Variants in LRP1B observed in about 807,000 individuals in gnomAD.
LRP1B encodes the protein LDL receptor related protein 1B, also known as low-density lipoprotein receptor-related protein 1B.
In LRP1B, 217 loss-of-function variants were observed where a neutral mutation model predicts 556.6. That is an observed-to-expected ratio of 0.39 (90% CI 0.35 to 0.44). The LOEUF (loss-of-function observed/expected upper bound fraction) is 0.44, where lower values mean the gene tolerates loss of function less well. Ranked by LOEUF, LRP1B falls within the 20% of genes least tolerant of loss-of-function variation. The pLI is 1.00. For synonymous variants in LRP1B, 2,047 were observed against 1,865.8 expected, an observed-to-expected ratio of 1.10 and a Z score of -2.50; for missense variants, 5,053 against 5,620.8, an observed-to-expected ratio of 0.90 and a Z score of 3.23.
At chr2:140,759,666 C>A (rs530570434) in intron 35 of LRP1B, among the ~76,000 whole-genome samples, 7 of 152,052 alleles carry the variant, frequency 4.6e-5, no homozygotes, top group African/African-American at 1.2e-4. Context: ...TTTGGAGCAC[C>A]CTTTGTGGCC....
intron 23 of LRP1B, among the ~76,000 whole-genome samples, chr2:140,893,347 T>C (rs1274211800): frequency 1.3e-5 from 2 of 152,206 alleles, no homozygotes; most frequent in Non-Finnish European, 2.9e-5. Flanking sequence ...TGGATGCAAG[T>C]AACAAAAGTA....
chr2:140,364,575 A>C, intron 72 of LRP1B, 86 bp downstream of exon 72: 31 of 1,447,622 alleles, frequency 2.1e-5, no homozygotes, highest in Non-Finnish European at 2.6e-5. Context: ...TATAATTGGT[A>C]GTTCACCTCC....
At chr2:140,566,458 C>A (rs1681129365) in intron 43 of LRP1B, among the ~76,000 whole-genome samples, 1 of 152,138 alleles carries the variant, frequency 6.6e-6, no homozygotes, top group African/African-American at 2.4e-5. Flanking sequence ...CTTCTAGCCA[C>A]TGCTGCACTT....
chr2:140,480,841 T>TCCAAAAAACTTTTA (rs1688206704), intron 59 of LRP1B, among the ~76,000 whole-genome samples: 1 of 152,156 alleles, frequency 6.6e-6, no homozygotes, highest in Non-Finnish European at 1.5e-5. Context: ...TTTCTTCATT[T>TCCAAAAAACTTTTA]CCAAAAAACT....
chr2:141,839,725 G>T (rs933754292), intron 1 of LRP1B, among the ~76,000 whole-genome samples: 1 of 152,090 alleles, frequency 6.6e-6, no homozygotes, highest in African/African-American at 2.4e-5. Context: ...AAATGAACCT[G>T]AATGAGACTC....
intron 82 of LRP1B, among the ~76,000 whole-genome samples, chr2:140,318,739 C>T (rs1427733719): frequency 6.6e-6 from 1 of 151,978 alleles, no homozygotes; most frequent in African/African-American, 2.4e-5. Flanking sequence ...CCTACATTCA[C>T]CCTGGGGTGC....
intron 1 of LRP1B, among the ~76,000 whole-genome samples, chr2:141,848,302 A>G (rs1218436338): frequency 6.6e-6 from 1 of 151,544 alleles, no homozygotes; most frequent in Non-Finnish European, 1.5e-5. Context: ...AAATTCTGAG[A>G]GACTGAGTGA....
intron 75 of LRP1B, among the ~76,000 whole-genome samples, chr2:140,355,014 CTT>C (rs72414620): frequency 0.088 from 13,403 of 151,836 alleles, 671 homozygotes; most frequent in Middle Eastern, 0.14. Context: ...AAAATCAAAA[CTT>C]TATTTATTAA....
intron 3 of LRP1B, among the ~76,000 whole-genome samples, chr2:141,435,572 A>T (rs1428020999): frequency 6.6e-6 from 1 of 152,126 alleles, no homozygotes; most frequent in Non-Finnish European, 1.5e-5. Flanking sequence ...CTTTCCCCTC[A>T]GGCATAACCA....
chr2:140,775,257 TA>T (rs1327730660), intron 33 of LRP1B, among the ~76,000 whole-genome samples: 1 of 151,942 alleles, frequency 6.6e-6, no homozygotes, highest in Non-Finnish European at 1.5e-5. Context: ...GGTCATTACC[TA>T]TCTGCAGAAA....
At chr2:141,447,659 C>A (rs961129676) in intron 3 of LRP1B, among the ~76,000 whole-genome samples, 1 of 152,170 alleles carries the variant, frequency 6.6e-6, no homozygotes, top group African/African-American at 2.4e-5. Flanking sequence ...TTCCTTCTAA[C>A]AGCCAGGCCC....
At chr2:141,059,533 G>T (rs997463599) in intron 8 of LRP1B, among the ~76,000 whole-genome samples, 2 of 151,600 alleles carry the variant, frequency 1.3e-5, no homozygotes, top group African/African-American at 4.8e-5. Flanking sequence ...CCAACTTTTT[G>T]GTCCCAATCT....
chr2:140,304,760 G>C (rs1683992340), intron 83 of LRP1B, among the ~76,000 whole-genome samples: 1 of 152,106 alleles, frequency 6.6e-6, no homozygotes, highest in Admixed American at 6.6e-5. Context: ...TATTGCCTAG[G>C]TTTTCTTCTA....
At chr2:140,794,154 T>C (rs6722632) in intron 32 of LRP1B, among the ~76,000 whole-genome samples, 4 of 151,858 alleles carry the variant, frequency 2.6e-5, no homozygotes, top group Non-Finnish European at 5.9e-5. Context: ...TAAATAGTCA[T>C]CTTAACGATT....
intron 27 of LRP1B, among the ~76,000 whole-genome samples, chr2:140,858,501 GGAGAGAGAGA>G (rs35791983): frequency 9.3e-5 from 13 of 139,936 alleles, no homozygotes; most frequent in East Asian, 2.1e-4. Context: ...TTATATATAT[GGAGAGAGAGA>G]GAGAGAGAGA....
At chr2:141,538,634 ACTT>A (rs202154429) in intron 2 of LRP1B, among the ~76,000 whole-genome samples, 45,766 of 142,024 alleles carry the variant, frequency 0.32, 7,036 homozygotes, top group Non-Finnish European at 0.41. Context: ...CCTGAAAAAA[ACTT>A]CTTTTTTTTT....
chr2:140,590,822 C>T (rs1218252651), intron 43 of LRP1B, among the ~76,000 whole-genome samples: 2 of 152,138 alleles, frequency 1.3e-5, no homozygotes, highest in Non-Finnish European at 2.9e-5. Flanking sequence ...TTCATTTTTT[C>T]ATTCAAGAAA....
intron 2 of LRP1B, among the ~76,000 whole-genome samples, chr2:141,699,567 T>C (rs1691861252): frequency 6.6e-6 from 1 of 151,626 alleles, no homozygotes; most frequent in Non-Finnish European, 1.5e-5. Context: ...GTGTTTGTTA[T>C]TTTTTATATT....
rs193284383 is a variant in LRP1B, at chr2:140,765,835, T to C, written c.5758+3378A>G. On this transcript the variant is annotated intron_variant, in intron 35 of 90. Transcript: ENST00000389484. ...TAGTATTGATAAATTATGATACTTG[T>C]ACTTTGCCAATGATTCTCTTCCACT... Among the ~76,000 whole-genome samples the C allele has an allele frequency of 5.9e-5, 9 of 152,250 alleles. No individual in the cohort carries two copies. The East Asian group carries it at 1.7e-3, about 29-fold the overall frequency.
Sources: allele counts gnomAD v4.1 joint callset (sites outside exome capture counted in the v4.1 genomes callset), GRCh38; gene constraint gnomAD v4.1.1; transcripts MANE v1.5; gene names NCBI Gene and HGNC (gene_info 2026-07-23, HGNC 2026-07-21).